Variants in GLS2 observed in about 807,000 individuals in gnomAD.
GLS2 encodes glutaminase liver isoform, mitochondrial.
Under a neutral mutation model 79.0 loss-of-function variants are expected in GLS2, and 52 were observed. The observed-to-expected ratio is 0.66, with a 90% CI of 0.53 to 0.83. The LOEUF (loss-of-function observed/expected upper bound fraction) is 0.83, where lower values mean the gene tolerates loss of function less well. Ranked by LOEUF, GLS2 falls within the 40% of genes least tolerant of loss-of-function variation. GLS2 has a pLI of 0.00. For missense variants in GLS2, 561 were observed against 764.8 expected, an observed-to-expected ratio of 0.73 and a Z score of 3.14; for synonymous variants, 238 against 280.8, an observed-to-expected ratio of 0.85 and a Z score of 1.52.
Position 56,477,701 on chromosome 12 carries a change from T to C in GLS2, c.796A>G (p.Met266Val). The change falls in exon 7 of 18, where the codon ATG becomes GTG. Residue 266 changes from methionine to valine, a missense_variant. Met to Val is a conservative substitution (Grantham distance 21). Transcript: ENST00000311966. ...LNEEGIPHNP[M>V]VNAGAIVVSS... ...ACAACAATGGCACCAGCATTGACCA[T>C]GGGGTTATGGGGGATTCCTGGGGAA... The C allele has an allele frequency of 6.2e-7, 1 of 1,613,014 alleles. No homozygotes were observed. The highest frequency in any genetic ancestry group is 8.5e-7 in the Non-Finnish European group (1 of 1,179,546).
At chr12:56,487,392 G>A (rs1275232193) in intron 1 of GLS2, 1 of 152,842 alleles carries the variant, frequency 6.5e-6, no homozygotes, top group Non-Finnish European at 1.5e-5. Flanking sequence ...CAACCAGTTT[G>A]GAAATTCCCC....
chr12:56,473,766 A>C, intron 12 of GLS2, 172 bp from the exon 13 acceptor site: 1 of 706,318 alleles, frequency 1.4e-6, no homozygotes, highest in Non-Finnish European at 2.2e-6. Context: ...TCCTTCCCTT[A>C]AATTCATTGA....
At chr12:56,473,402 G>T in intron 13 of GLS2, 61 bp downstream of exon 13, 2 of 1,603,656 alleles carry the variant, frequency 1.2e-6, no homozygotes, top group Non-Finnish European at 8.5e-7. Context: ...TAGTAAAAGT[G>T]GTACCATTAA....
chr12:56,487,338 G>C lies in GLS2; in HGVS notation c.182+599C>G, dbSNP rs144628496. Among the ~76,000 whole-genome samples, 177 of 152,342 alleles carry C rather than the reference G, an allele frequency of 1.2e-3. 1 individual carries two copies. Among genetic ancestry groups the C allele is most frequent in the African/African-American group, 4.1e-3 (169 of 41,576 alleles). ...ACTGGCTCTGGTTTGGGAAATCTGC[G>C]TCTTAAAGACCTTTCCTCCATTACA... On this transcript the variant is annotated intron_variant, in intron 1 of 17. Transcript: ENST00000311966.
intron 7 of GLS2, 71 bp downstream of exon 7, chr12:56,477,589 C>T: frequency 2.0e-6 from 3 of 1,479,772 alleles, no homozygotes; most frequent in South Asian, 2.4e-5. Flanking sequence ...GAGAGCTGAA[C>T]AAATATGAGG....
Position 56,475,058 on chromosome 12 carries a change from G to GATA in GLS2, c.979_981dup (p.Tyr327dup). ...CTTCTGGTTACCTTCTTTTCCTTGA[G>GATA]ATAATAGCCGATGGCATAATTCCGA... On this transcript the variant is annotated inframe_insertion, in exon 10 of 18. Coordinates refer to ENST00000311966, the MANE Select transcript of GLS2 (RefSeq NM_013267.4). 1 of 1,614,118 alleles carries GATA rather than the reference G, an allele frequency of 6.2e-7. No homozygotes were observed. The highest frequency in any genetic ancestry group is 8.5e-7 in the Non-Finnish European group (1 of 1,180,040).
intron 7 of GLS2, chr12:56,476,186 CT>C: frequency 2.3e-6 from 1 of 431,634 alleles, no homozygotes; most frequent in Non-Finnish European, 4.1e-6. Flanking sequence ...GACAGTCTTG[CT>C]TTGTCACCCT....
At position 56,474,730 on chromosome 12, in the gene GLS2, CAA is replaced by C. The variant is rs767036919; in HGVS notation, c.1048-12_1048-11del. The C allele has an allele frequency of 3.5e-5, 57 of 1,607,896 alleles. No homozygotes were observed. The highest frequency in any genetic ancestry group is 4.7e-5 in the Non-Finnish European group (55 of 1,176,152). On this transcript the variant is annotated splice_polypyrimidine_tract_variant and intron_variant, in intron 11 of 17. Transcript: ENST00000311966. ...CCTCCACAGAACACAGCTATGAAAA[CAA>C]AGAATAGGTGAAGATGTGACGTGAA...
intron 1 of GLS2, among the ~76,000 whole-genome samples, chr12:56,482,096 T>C (rs1870347148): frequency 6.6e-6 from 1 of 151,928 alleles, no homozygotes; most frequent in South Asian, 2.1e-4. Context: ...CCAGGTGTGG[T>C]GGTGGGCTTC....
chr12:56,471,830 A>G lies in GLS2; in HGVS notation c.1595T>C (p.Ile532Thr), dbSNP rs1239434696. 3.1e-6 allele frequency: 5 copies of G among 1,613,822 alleles called. No individual in the cohort carries two copies. The Admixed American group carries it at 8.3e-5, about 27-fold the overall frequency. The change falls in exon 17 of 18, where the codon ATC becomes ACC. Residue 532 changes from isoleucine to threonine, a missense_variant. Ile to Thr is a moderately conservative substitution (Grantham distance 89). This residue lies in a region of GLS2 where 136 missense variants were observed against 228.6 expected (regional missense o/e 0.59). Coordinates refer to ENST00000311966, the MANE Select transcript of GLS2 (RefSeq NM_013267.4). ...CTCGATCAGGAATTTAACAACTTCG[A>G]TGTGTCCTAGGAATATGGGCAGAAG... is the stretch of plus-strand genomic sequence containing the variant. ...ALHVAAAEGH[I>T]EVVKFLIEAC... is the part of the protein sequence containing the mutation.
rs377055376 is a variant in GLS2, at chr12:56,482,716, T to C, written c.183-2329A>G. ...CCTAAAATTCCAGGTACTGAAGACTTCTTAGTTTTCAAGATTTCCATTAAT... is the reference window on the plus strand; with the variant it reads ...CCTAAAATTCCAGGTACTGAAGACTCCTTAGTTTTCAAGATTTCCATTAAT... On this transcript the variant is annotated intron_variant, in intron 1 of 17. Coordinates refer to ENST00000311966, the MANE Select transcript of GLS2 (RefSeq NM_013267.4). 3.0e-4 allele frequency among the ~76,000 whole-genome samples: 46 copies of C among 152,294 alleles called. 1 individual carries two copies. In the South Asian group the frequency reaches 8.5e-3, roughly 28 times the overall value.
chr12:56,477,990 A>G lies in GLS2; in HGVS notation c.721T>C (p.Phe241Leu). 6.2e-7 allele frequency: 1 copy of G among 1,614,192 alleles called. No individual in the cohort carries two copies. The highest frequency in any genetic ancestry group is 8.5e-7 in the Non-Finnish European group (1 of 1,180,034). Residue 241 changes from phenylalanine to leucine, a missense_variant, in exon 6 of 18, where the codon TTT becomes CTT. Phe to Leu is a conservative substitution (Grantham distance 22). This residue lies in a region of GLS2 where 221 missense variants were observed against 275.6 expected (regional missense o/e 0.80). Coordinates refer to ENST00000311966, the MANE Select transcript of GLS2 (RefSeq NM_013267.4). ...STLGTDYVHKFVGKEPSGLRY... is the reference protein window; with the variant it reads ...STLGTDYVHKLVGKEPSGLRY... ...AGGCCACTTGGCTCTTTGCCCACAAACTTGTGCACGTAGTCAGTGCCTAGG... is the reference window on the plus strand; with the variant it reads ...AGGCCACTTGGCTCTTTGCCCACAAGCTTGTGCACGTAGTCAGTGCCTAGG...
chr12:56,487,607 G>A (rs976818092), intron 1 of GLS2: 12 of 414,090 alleles, frequency 2.9e-5, no homozygotes, highest in African/African-American at 2.5e-4. Flanking sequence ...ACTAGGGAAG[G>A]TGAGGACTGG....
In GLS2 at chr12:56,473,475, G is replaced by C; in HGVS notation, c.1344C>G (p.Thr448=). 6.2e-7 allele frequency: 1 copy of C among 1,611,860 alleles called. No homozygotes were observed. Among genetic ancestry groups the C allele is most frequent in the Non-Finnish European group, 8.5e-7 (1 of 1,178,702 alleles). Residue 448 remains threonine, a synonymous_variant, in exon 13 of 18, where the codon ACC becomes ACG. Transcript: ENST00000311966. ...LDKLGNSHRG[T]SFCQKLVSLF... ...CAAAGCATCTCACCTGGCAGAAGCT[G>C]GTCCCCCTATGGCTGTTCCCCAGCT...
chr12:56,481,848 G>A (rs576245875), intron 1 of GLS2, among the ~76,000 whole-genome samples: 3 of 151,508 alleles, frequency 2.0e-5, no homozygotes, highest in Admixed American at 6.6e-5. Flanking sequence ...CCGAGATCAC[G>A]CCATTACACT....
intron 1 of GLS2, among the ~76,000 whole-genome samples, chr12:56,483,465 T>C (rs948164109): frequency 3.3e-5 from 5 of 152,188 alleles, no homozygotes; most frequent in Middle Eastern, 3.2e-3. Context: ...ATTCATATAA[T>C]GCAATATTAT....
intron 7 of GLS2, chr12:56,476,524 CAGG>C (rs1391090507): frequency 6.5e-6 from 1 of 154,794 alleles, no homozygotes; most frequent in African/African-American, 2.4e-5. Context: ...GGGGCTGAGG[CAGG>C]AGGATCGCTT....
In GLS2 at chr12:56,480,322, C is replaced by T. The variant is rs1283338855; in HGVS notation, c.248G>A (p.Gly83Glu). Residue 83 changes from glycine to glutamate, a missense_variant, in exon 2 of 18, where the codon GGA (glycine) becomes GAA (glutamate). Gly to Glu is a moderately conservative substitution (Grantham distance 98). This residue lies in a region of GLS2 where 161 missense variants were observed against 167.8 expected (regional missense o/e 0.96). Coordinates refer to ENST00000311966, the MANE Select transcript of GLS2 (RefSeq NM_013267.4). ...GDLLFYTIAEGQERIPIHKFT... is the reference protein window; with the variant it reads ...GDLLFYTIAEEQERIPIHKFT... ...CTTGTGGATAGGGATTCGTTCCTGTCCTTCAGCAATAGTGTAAAAGAGCAA... is the reference window on the plus strand; with the variant it reads ...CTTGTGGATAGGGATTCGTTCCTGTTCTTCAGCAATAGTGTAAAAGAGCAA... The T allele has an allele frequency of 6.2e-7, 1 of 1,614,136 alleles. No individual in the cohort carries two copies. Among genetic ancestry groups the T allele is most frequent in the Non-Finnish European group, 8.5e-7 (1 of 1,180,026 alleles).
At position 56,477,668 on chromosome 12, in the gene GLS2, G is replaced by C. The variant is rs774046995; in HGVS notation, c.829C>G (p.Leu277Val). The change falls in exon 7 of 18, where the codon CTG (leucine) becomes GTG (valine). Residue 277 changes from leucine (L) to valine (V), a missense_variant. Coordinates refer to ENST00000311966, the MANE Select transcript of GLS2 (RefSeq NM_013267.4). ...GTTAAGGTGGCACTGACCTTGATCA[G>C]GGAGCTGACAACAATGGCACCAGCA... ...VNAGAIVVSS[L>V]IKMDCNKAEK... is the part of the protein sequence containing the mutation. 6.2e-7 allele frequency: 1 copy of C among 1,613,466 alleles called. No individual in the cohort carries two copies. The highest frequency in any genetic ancestry group is 8.5e-7 in the Non-Finnish European group (1 of 1,179,740).
Sources: allele counts gnomAD v4.1 joint callset (sites outside exome capture counted in the v4.1 genomes callset), GRCh38; gene constraint gnomAD v4.1.1; regional missense constraint gnomAD v4.1.1; transcripts MANE v1.5; gene names NCBI Gene and HGNC (gene_info 2026-07-23, HGNC 2026-07-21).